The following TSPAN8 variants were observed in gnomAD, a reference collection of about 807,000 sequenced individuals.
TSPAN8 encodes the protein tetraspanin 8, also known as tetraspanin-8.
Under a neutral mutation model 32.8 loss-of-function variants are expected in TSPAN8, and 21 were observed. The observed-to-expected ratio is 0.64, with a 90% CI of 0.45 to 0.92. The LOEUF (loss-of-function observed/expected upper bound fraction) is 0.92. TSPAN8 is among the 40% of genes least tolerant of loss of function. The pLI is 0.00. For synonymous variants in TSPAN8, 95 were observed against 94.6 expected (o/e 1.00, Z -0.03); for missense variants, 269 against 281.9 (o/e 0.95, Z 0.33).
At chr12:71,145,269 A>G (rs1872038032) in intron 2 of TSPAN8, among the ~76,000 whole-genome samples, 1 of 152,132 alleles carries the variant, frequency 6.6e-6, no homozygotes, top group African/African-American at 2.4e-5. Flanking sequence ...GAGTAACCAT[A>G]GACTCTGTGC....
intron 2 of TSPAN8, among the ~76,000 whole-genome samples, chr12:71,152,761 A>T (rs542237673): frequency 1.4e-4 from 21 of 152,336 alleles, no homozygotes; most frequent in African/African-American, 4.1e-4. Flanking sequence ...CTTCATTTTG[A>T]AAGATTCCAT....
intron 6 of TSPAN8, among the ~76,000 whole-genome samples, chr12:71,136,366 C>T (rs1871697598): frequency 6.6e-6 from 1 of 152,150 alleles, no homozygotes; most frequent in South Asian, 2.1e-4. Flanking sequence ...AAACTTTCAC[C>T]TCTTTAATAT....
rs140909655 is a variant in TSPAN8, at chr12:71,137,166, A to G, written c.444+787T>C. Among the ~76,000 whole-genome samples the G allele has an allele frequency of 6.4e-3, 969 of 152,242 alleles. 12 individuals carry two copies. The highest frequency in any genetic ancestry group is 0.022 in the African/African-American group (902 of 41,534). On this transcript the variant is annotated intron_variant, in intron 6 of 8. Coordinates refer to ENST00000247829, the MANE Select transcript of TSPAN8 (RefSeq NM_004616.3). The stretch of plus-strand genomic sequence containing the variant: ...ATGGTGGTGTGTGCTTGTGGTCCTA[A>G]CTACTCAGGAACCTGAGGTGGGAAG...
chr12:71,153,669 T>C (rs931703268), intron 2 of TSPAN8, among the ~76,000 whole-genome samples: 12 of 152,184 alleles, frequency 7.9e-5, no homozygotes, highest in African/African-American at 2.9e-4. Flanking sequence ...TAATTTCCTA[T>C]GAAGGATTGT....
chr12:71,142,780 G>A (rs1226565325), intron 3 of TSPAN8, among the ~76,000 whole-genome samples: 2 of 151,234 alleles, frequency 1.3e-5, no homozygotes, highest in African/African-American at 4.9e-5. Flanking sequence ...TGATCCTCTG[G>A]GCTCCCTAAG....
intron 8 of TSPAN8, 38 bp from the exon 9 acceptor site, chr12:71,125,425 G>T: frequency 1.3e-6 from 2 of 1,528,498 alleles, no homozygotes; most frequent in Non-Finnish European, 1.8e-6. Context: ...TGGAATTTAA[G>T]GGAAAACACT....
chr12:71,145,130 T>C (rs1190109728), intron 2 of TSPAN8, among the ~76,000 whole-genome samples: 1 of 152,092 alleles, frequency 6.6e-6, no homozygotes, highest in African/African-American at 2.4e-5. Flanking sequence ...TGGAGCATCA[T>C]TGCTTTCGTG....
At chr12:71,134,689 C>T in intron 6 of TSPAN8, among the ~76,000 whole-genome samples, 1 of 152,126 alleles carries the variant, frequency 6.6e-6, no homozygotes, top group Non-Finnish European at 1.5e-5. Flanking sequence ...GATACAGATA[C>T]CCTCTGTCAA....
intron 6 of TSPAN8, among the ~76,000 whole-genome samples, chr12:71,137,657 C>T (rs1330880966): frequency 6.6e-6 from 1 of 152,108 alleles, no homozygotes; most frequent in Non-Finnish European, 1.5e-5. Context: ...ACACACTACC[C>T]TTTTAAATGG....
intron 2 of TSPAN8, among the ~76,000 whole-genome samples, chr12:71,147,869 G>GT (rs1034164973): frequency 2.6e-5 from 4 of 152,110 alleles, no homozygotes; most frequent in African/African-American, 9.7e-5. Flanking sequence ...CTGTATCCAT[G>GT]TTTTTTCTTT....
chr12:71,146,935 A>G, intron 2 of TSPAN8, among the ~76,000 whole-genome samples: 1 of 152,156 alleles, frequency 6.6e-6, no homozygotes, highest in East Asian at 1.9e-4. Context: ...TTATAATCTG[A>G]TAGAACTGGT....
Position 71,154,983 on chromosome 12 carries a change from A to G in TSPAN8, c.60+2636T>C, listed in dbSNP as rs1382159997. On this transcript the variant is annotated intron_variant, in intron 2 of 8. Transcript: ENST00000247829. ...TTAATAAGGGTAAACATTGTAATGGAGCTGATCTATTGTTTCATAAGGATA... is the reference window on the plus strand; with the variant it reads ...TTAATAAGGGTAAACATTGTAATGGGGCTGATCTATTGTTTCATAAGGATA... Among the ~76,000 whole-genome samples the G allele has an allele frequency of 2.6e-5, 4 of 152,212 alleles. No homozygotes were observed. In the East Asian group the frequency reaches 7.7e-4, roughly 29 times the overall value.
chr12:71,137,460 C>T lies in TSPAN8; in HGVS notation c.444+493G>A, dbSNP rs531360221. Among the ~76,000 whole-genome samples, 14 of 151,994 alleles carry T rather than the reference C, an allele frequency of 9.2e-5. No homozygotes were observed. In the East Asian group the frequency reaches 1.2e-3, roughly 13 times the overall value. ...CTAAAAATACAAAAAATGAGCCGGGCGTGGTGGCGCATGTCTGTAGTCTCA... is the reference window on the plus strand; with the variant it reads ...CTAAAAATACAAAAAATGAGCCGGGTGTGGTGGCGCATGTCTGTAGTCTCA... On this transcript the variant is annotated intron_variant, in intron 6 of 8. Transcript: ENST00000247829.
intron 2 of TSPAN8, among the ~76,000 whole-genome samples, chr12:71,152,621 T>C (rs942914772): frequency 1.3e-5 from 2 of 152,204 alleles, no homozygotes; most frequent in African/African-American, 4.8e-5. Context: ...ATGAAGGAGC[T>C]GATGTTTATC....
intron 6 of TSPAN8, 78 bp downstream of exon 6, chr12:71,137,875 T>A: frequency 7.6e-7 from 1 of 1,323,894 alleles, no homozygotes; most frequent in Middle Eastern, 2.6e-4. Flanking sequence ...TTTCAATCTT[T>A]AAGGAAGATG....
At position 71,157,918 on chromosome 12, in the gene TSPAN8, C is replaced by A; in HGVS notation, c.-110+12G>T. 1 of 482,604 alleles carries A rather than the reference C, an allele frequency of 2.1e-6. No homozygotes were observed. Among genetic ancestry groups the A allele is most frequent in the Non-Finnish European group, 3.7e-6 (1 of 271,164 alleles). The allele number at this position is 482,604 out of a possible 1,614,324, so 29.9% of individuals were successfully genotyped here. On this transcript the variant is annotated intron_variant, in intron 1 of 8. Transcript: ENST00000247829. ...CCCACACATTTAAATATCTCAAAGG[C>A]TATTAACTCACACATTTAAATATCG...
Position 71,137,962 on chromosome 12 carries a change from A to G in TSPAN8, c.435T>C (p.Phe145=). Residue 145 remains phenylalanine, a synonymous_variant, in exon 6 of 9, where the codon TTT becomes TTC. Transcript: ENST00000247829. ...AATGAATTCTAATTACCTCTTCTTG[A>G]AACACAATTATGGCTTCCTGGAATT... is the stretch of plus-strand genomic sequence containing the variant. ...EKQFQEAIIV[F]QEEFKCCGLV... is the part of the protein sequence containing the mutation. 1 of 1,612,626 alleles carries G rather than the reference A, an allele frequency of 6.2e-7. No individual in the cohort carries two copies.
chr12:71,142,640 G>A (rs1050466278), intron 3 of TSPAN8, among the ~76,000 whole-genome samples: 1 of 152,082 alleles, frequency 6.6e-6, no homozygotes, highest in African/African-American at 2.4e-5. Context: ...CACAGTTATG[G>A]TTATCAGTAG....
chr12:71,131,171 T>C (rs552534497), intron 7 of TSPAN8, among the ~76,000 whole-genome samples: 1 of 152,318 alleles, frequency 6.6e-6, no homozygotes, highest in South Asian at 2.1e-4. Flanking sequence ...ATTTACTCTA[T>C]ATTTATTTCC....
Sources: allele counts gnomAD v4.1 joint callset (sites outside exome capture counted in the v4.1 genomes callset), GRCh38; gene constraint gnomAD v4.1.1; transcripts MANE v1.5; gene names NCBI Gene and HGNC (gene_info 2026-07-23, HGNC 2026-07-21).